STK38: variants seen among roughly 807,000 people sequenced by gnomAD.
The protein encoded by STK38 is serine/threonine kinase 38.
A neutral mutation model predicts 59.0 loss-of-function variants in STK38; 26 were observed. The observed-to-expected ratio is 0.44, with a 90% confidence interval of 0.32 to 0.61. STK38 has a LOEUF of 0.61. Ranked by LOEUF, STK38 falls within the 20% of genes least tolerant of loss-of-function variation. The pLI is 0.04. For missense variants in STK38, 433 were observed against 566.0 expected (o/e 0.76, Z 2.38); for synonymous variants, 175 against 176.6 (o/e 0.99, Z 0.07).
rs572780991 is a variant in STK38, at chr6:36,533,185, T to C, written c.131+6887A>G. Among the ~76,000 whole-genome samples the C allele has an allele frequency of 7.6e-4, 115 of 152,312 alleles. 1 individual carries two copies. The highest frequency in any genetic ancestry group is 2.3e-3 in the African/African-American group (95 of 41,576). On this transcript the variant is annotated intron_variant, in intron 2 of 13. Coordinates refer to ENST00000229812, the MANE Select transcript of STK38 (RefSeq NM_007271.4). Reference sequence around the variant, plus strand: ...CTTAAAGAGATGGCGTCTTGTTCAGTTGCCCAAGCTGGAGTGCAGTGGCAC... The same window carrying C: ...CTTAAAGAGATGGCGTCTTGTTCAGCTGCCCAAGCTGGAGTGCAGTGGCAC...
intron 9 of STK38, among the ~76,000 whole-genome samples, chr6:36,502,934 A>C (rs372094832): frequency 6.6e-6 from 1 of 152,224 alleles, no homozygotes; most frequent in Admixed American, 6.5e-5. Context: ...TCACACTGTC[A>C]CAAGTAGCTG....
At chr6:36,541,657 A>G (rs548907941) in intron 1 of STK38, among the ~76,000 whole-genome samples, 1 of 152,356 alleles carries the variant, frequency 6.6e-6, no homozygotes, top group South Asian at 2.1e-4. Flanking sequence ...CTAAGTCAAC[A>G]GAACACATTA....
intron 9 of STK38, among the ~76,000 whole-genome samples, chr6:36,504,898 C>CAAAAAAA (rs562032331): frequency 4.4e-4 from 28 of 64,038 alleles, no homozygotes; most frequent in South Asian, 1.2e-3. Context: ...TCCTGGCCTC[C>CAAAAAAA]AAAAAAAAAA....
chr6:36,525,668 T>G (rs762190729), intron 2 of STK38, 26 bp from the exon 3 acceptor site: 3 of 1,586,426 alleles, frequency 1.9e-6, no homozygotes, highest in Non-Finnish European at 2.6e-6. Context: ...ACAAAAGACA[T>G]GAAATCACAT....
intron 7 of STK38, among the ~76,000 whole-genome samples, chr6:36,514,322 AAAC>A (rs973503844): frequency 3.3e-5 from 5 of 152,032 alleles, no homozygotes; most frequent in Admixed American, 6.6e-5. Context: ...AAAAAAAAAA[AAAC>A]AACTTCAGGT....
chr6:36,498,477 GGTGGGTAGCCT>G lies in STK38; in HGVS notation c.953-2_961del. The G allele has an allele frequency of 6.2e-7, 1 of 1,610,718 alleles. No homozygotes were observed. The highest frequency in any genetic ancestry group is 8.5e-7 in the Non-Finnish European group (1 of 1,179,206). On this transcript the variant is annotated splice_acceptor_variant and coding_sequence_variant, in exon 11 of 14. Coordinates refer to ENST00000229812, the MANE Select transcript of STK38 (RefSeq NM_007271.4). LOFTEE classifies it high-confidence loss of function. ...CTCTTGAGGGGTCTCAGAACAGAAA[GGTGGGTAGCCT>G]GTAATAAAAAAGGAACTTCGGAGCT...
At chr6:36,530,076 A>C (rs996588798) in intron 2 of STK38, among the ~76,000 whole-genome samples, 10 of 152,066 alleles carry the variant, frequency 6.6e-5, no homozygotes, top group Admixed American at 2.0e-4. Flanking sequence ...CCCCATCTCT[A>C]CTAAAAATAC....
At chr6:36,527,757 A>G (rs1273652150) in intron 2 of STK38, among the ~76,000 whole-genome samples, 1 of 152,092 alleles carries the variant, frequency 6.6e-6, no homozygotes, top group Non-Finnish European at 1.5e-5. Flanking sequence ...ACTCATCAGC[A>G]TTCCAGATAA....
Position 36,507,540 on chromosome 6 carries a change from T to C in STK38, c.732A>G (p.Glu244=), listed in dbSNP as rs754486632. The change falls in exon 8 of 14, where the codon GAA becomes GAG. Residue 244 remains glutamate (E), a synonymous_variant. Coordinates refer to ENST00000229812, the MANE Select transcript of STK38 (RefSeq NM_007271.4). ...GGCTGTGGTTCAGATTCCTATAAAATTCTGTCCTATGTGCTTTTTTCAGTC... is the reference window on the plus strand; with the variant it reads ...GGCTGTGGTTCAGATTCCTATAAAACTCTGTCCTATGTGCTTTTTTCAGTC... The part of the protein sequence containing the change: ...CTGLKKAHRT[E]FYRNLNHSLP... 11 of 1,614,028 alleles carry C rather than the reference T, an allele frequency of 6.8e-6. No homozygotes were observed. In the African/African-American group the frequency reaches 1.1e-4, roughly 16 times the overall value.
At chr6:36,516,879 G>A (rs566680810) in intron 6 of STK38, among the ~76,000 whole-genome samples, 7 of 152,330 alleles carry the variant, frequency 4.6e-5, no homozygotes, top group African/African-American at 1.4e-4. Flanking sequence ...TTGAGGACAC[G>A]TTAGGAGCTG....
chr6:36,539,822 A>G (rs1452015628), intron 2 of STK38, among the ~76,000 whole-genome samples: 1 of 150,104 alleles, frequency 6.7e-6, no homozygotes, highest in Non-Finnish European at 1.5e-5. Context: ...GGGCTAAAGC[A>G]ATCCTCCCAA....
chr6:36,539,919 G>A (rs997231672), intron 2 of STK38, among the ~76,000 whole-genome samples, 153 bp downstream of exon 2: 1 of 151,638 alleles, frequency 6.6e-6, no homozygotes, highest in Non-Finnish European at 1.5e-5. Context: ...TTAATGGCAG[G>A]GACTTTGAAA....
chr6:36,501,169 G>A (rs1209572316), intron 9 of STK38, among the ~76,000 whole-genome samples: 1 of 151,828 alleles, frequency 6.6e-6, no homozygotes, highest in African/African-American at 2.4e-5. Context: ...GCCCAGACTG[G>A]TCTTTAACTC....
intron 7 of STK38, among the ~76,000 whole-genome samples, chr6:36,510,045 C>G (rs75776623): frequency 0.12 from 17,621 of 152,230 alleles, 1,201 homozygotes; most frequent in Admixed American, 0.22. Context: ...GACTCCAGCC[C>G]GAACTGACAG....
chr6:36,495,120 G>A lies in STK38; in HGVS notation c.*664C>T, dbSNP rs1776668466. The A allele has an allele frequency of 6.6e-6, 1 of 152,668 alleles. No homozygotes were observed. The highest frequency in any genetic ancestry group is 1.5e-5 in the Non-Finnish European group (1 of 68,060). 9.5% of individuals were successfully genotyped at this position (152,668 alleles called of 1,614,324 possible). A position where few individuals can be genotyped will look rare whatever the true frequency, so the allele number is the denominator to read the frequency against. On this transcript the variant is annotated 3_prime_UTR_variant, in exon 14 of 14. Transcript: ENST00000229812. ...ACCCCCATCAACACTCAGAAAAGCA[G>A]CATGGGTATTTTAGATGGGGGACAG...
At chr6:36,502,684 A>G (rs1347965269) in intron 9 of STK38, among the ~76,000 whole-genome samples, 1 of 152,210 alleles carries the variant, frequency 6.6e-6, no homozygotes, top group African/African-American at 2.4e-5. Context: ...TCAACTGAAG[A>G]ACCAAGGAAT....
In STK38 at chr6:36,536,683, G is replaced by A. The variant is rs998065085; in HGVS notation, c.131+3389C>T. 5.3e-5 allele frequency among the ~76,000 whole-genome samples: 8 copies of A among 151,856 alleles called. No individual in the cohort carries two copies. In the East Asian group the frequency reaches 1.4e-3, roughly 26 times the overall value. On this transcript the variant is annotated intron_variant, in intron 2 of 13. Coordinates refer to ENST00000229812, the MANE Select transcript of STK38 (RefSeq NM_007271.4). ...CGAGTAGCTGAGATTATAGGCATGC[G>A]CCACCACCATGCCCAGCTAATTCTG...
At chr6:36,520,010 C>G (rs1561982885) in intron 5 of STK38, among the ~76,000 whole-genome samples, 1 of 152,190 alleles carries the variant, frequency 6.6e-6, no homozygotes. Flanking sequence ...GCCTCTGTAC[C>G]TCTACTTTGT....
intron 4 of STK38, among the ~76,000 whole-genome samples, 149 bp downstream of exon 4, chr6:36,524,188 GCAGA>G (rs2127481049): frequency 6.6e-6 from 1 of 152,306 alleles, no homozygotes; most frequent in Non-Finnish European, 1.5e-5. Flanking sequence ...AAAAGAGAAA[GCAGA>G]CAGACAAAGC....
Sources: gnomAD v4.1 joint callset for allele counts (sites outside exome capture counted in the v4.1 genomes callset) on GRCh38, gnomAD v4.1.1 for gene constraint, MANE v1.5 for transcripts, NCBI Gene and HGNC (gene_info 2026-07-23, HGNC 2026-07-21) for gene names.